Variants in PDS5B observed in about 807,000 individuals in gnomAD.
PDS5B encodes the protein sister chromatid cohesion protein PDS5 homolog B.
PDS5B carries 51 observed loss-of-function variants against 184.1 expected under a neutral mutation model. That is an observed-to-expected ratio of 0.28 (90% CI 0.22 to 0.35). The LOEUF (loss-of-function observed/expected upper bound fraction) is 0.35. PDS5B is among the 10% of genes least tolerant of loss of function. The probability of loss-of-function intolerance (pLI) is 1.00; values close to 1 mark genes in which losing one functional copy is unlikely to be tolerated. For missense variants in PDS5B, 1,180 were observed against 1,723.3 expected (o/e 0.68, Z 5.58); for synonymous variants, 566 against 569.2 (o/e 0.99, Z 0.08).
At chr13:32,769,246 A>G (rs1954694858) in intron 31 of PDS5B, among the ~76,000 whole-genome samples, 1 of 152,220 alleles carries the variant, frequency 6.6e-6, no homozygotes, top group Non-Finnish European at 1.5e-5. Context: ...CAAAGTTGAC[A>G]AAGGACACAA....
intron 1 of PDS5B, among the ~76,000 whole-genome samples, chr13:32,593,354 G>A (rs936177006): frequency 6.6e-6 from 1 of 152,186 alleles, no homozygotes; most frequent in African/African-American, 2.4e-5. Context: ...TTGATTGAAA[G>A]CCTTACTGAT....
At chr13:32,739,017 T>G (rs1278795597) in intron 21 of PDS5B, among the ~76,000 whole-genome samples, 1 of 152,198 alleles carries the variant, frequency 6.6e-6, no homozygotes, top group Non-Finnish European at 1.5e-5. Context: ...TTTATCATTA[T>G]TCTTTGGTAG....
At chr13:32,640,918 G>A (rs1371180638) in intron 1 of PDS5B, among the ~76,000 whole-genome samples, 3 of 151,964 alleles carry the variant, frequency 2.0e-5, no homozygotes, top group Middle Eastern at 3.4e-3. Flanking sequence ...TTAGCCAGGC[G>A]TGGTGGCGAG....
chr13:32,660,192 C>T (rs1950606936), intron 6 of PDS5B, among the ~76,000 whole-genome samples: 1 of 152,198 alleles, frequency 6.6e-6, no homozygotes, highest in South Asian at 2.1e-4. Context: ...CCAGCCCAGC[C>T]TCACTTCTGC....
chr13:32,638,094 G>C (rs1001137437), intron 1 of PDS5B, among the ~76,000 whole-genome samples: 11 of 152,114 alleles, frequency 7.2e-5, no homozygotes, highest in Admixed American at 7.2e-4. Flanking sequence ...ACCATGGCTG[G>C]GACAATGTGC....
intron 31 of PDS5B, among the ~76,000 whole-genome samples, chr13:32,769,372 C>G (rs940653352): frequency 6.6e-6 from 1 of 152,088 alleles, no homozygotes; most frequent in African/African-American, 2.4e-5. Flanking sequence ...ATATAAATTG[C>G]GCAGACTTTT....
At chr13:32,676,667 C>T (rs763388855) in intron 9 of PDS5B, among the ~76,000 whole-genome samples, 20 of 152,126 alleles carry the variant, frequency 1.3e-4, no homozygotes, top group Non-Finnish European at 2.6e-4. Flanking sequence ...CGCGGTGGCT[C>T]ATGCCTGTAA....
intron 15 of PDS5B, among the ~76,000 whole-genome samples, chr13:32,698,442 G>T (rs1951769811): frequency 6.6e-6 from 1 of 152,074 alleles, no homozygotes; most frequent in South Asian, 2.1e-4. Context: ...TTGCCCTCAG[G>T]TGCTTATTAT....
At chr13:32,766,328 A>G (rs577347005) in intron 31 of PDS5B, among the ~76,000 whole-genome samples, 1 of 152,256 alleles carries the variant, frequency 6.6e-6, no homozygotes, top group East Asian at 1.9e-4. Context: ...ATCTGCTTTT[A>G]CCTTTTGGGA....
Position 32,742,771 on chromosome 13 carries a change from T to C in PDS5B, c.2612+44T>C, listed in dbSNP as rs755657472. ...ACAGTTCTTTGGATTGCATAATATT[T>C]CAGCTCTTGGTGTAACTGTTCAATG... On this transcript the variant is annotated intron_variant, in intron 23 of 34. Transcript: ENST00000315596. The C allele has an allele frequency of 1.9e-6, 3 of 1,566,058 alleles. No homozygotes were observed. The African/African-American group carries it at 4.1e-5, about 21-fold the overall frequency.
intron 6 of PDS5B, among the ~76,000 whole-genome samples, chr13:32,664,864 GAAA>G (rs1329650336): frequency 4.8e-5 from 7 of 145,686 alleles, no homozygotes; most frequent in Admixed American, 6.8e-5. Flanking sequence ...AAGGGAAAAA[GAAA>G]AAAAAAAGAA....
At chr13:32,767,423 G>A (rs907475789) in intron 31 of PDS5B, among the ~76,000 whole-genome samples, 2 of 152,026 alleles carry the variant, frequency 1.3e-5, no homozygotes, top group African/African-American at 4.8e-5. Context: ...TGTTATTTTT[G>A]TAATCTTAGA....
chr13:32,619,245 C>T (rs545011005), intron 1 of PDS5B, among the ~76,000 whole-genome samples: 2 of 152,286 alleles, frequency 1.3e-5, no homozygotes, highest in South Asian at 4.1e-4. Context: ...TTACATGTCA[C>T]TTAACAACAG....
At chr13:32,680,744 T>C (rs1412157027) in intron 10 of PDS5B, among the ~76,000 whole-genome samples, 1 of 152,232 alleles carries the variant, frequency 6.6e-6, no homozygotes, top group Non-Finnish European at 1.5e-5. Flanking sequence ...CTAGTTCCTA[T>C]GCCTTTTGAA....
At chr13:32,696,615 G>T (rs1951714238) in intron 14 of PDS5B, among the ~76,000 whole-genome samples, 1 of 151,780 alleles carries the variant, frequency 6.6e-6, no homozygotes, top group Non-Finnish European at 1.5e-5. Flanking sequence ...TCTGATTTCT[G>T]TTTGGAGGCT....
intron 6 of PDS5B, among the ~76,000 whole-genome samples, chr13:32,667,258 A>G (rs1950823084): frequency 6.6e-6 from 1 of 151,930 alleles, no homozygotes; most frequent in Non-Finnish European, 1.5e-5. Flanking sequence ...TATTTGTTGT[A>G]TTTCCTGTTG....
intron 31 of PDS5B, among the ~76,000 whole-genome samples, chr13:32,769,681 T>A (rs1457042044): frequency 6.6e-6 from 1 of 152,216 alleles, no homozygotes; most frequent in Non-Finnish European, 1.5e-5. Flanking sequence ...TTTTATGATG[T>A]TGTAAGCATG....
chr13:32,749,248 A>G (rs1222104236), intron 24 of PDS5B, among the ~76,000 whole-genome samples: 3 of 151,908 alleles, frequency 2.0e-5, no homozygotes, highest in Non-Finnish European at 4.4e-5. Context: ...TCCCATTTCC[A>G]CACATCCAAC....
chr13:32,760,243 CTG>C (rs1954334772), intron 29 of PDS5B, among the ~76,000 whole-genome samples: 2 of 152,232 alleles, frequency 1.3e-5, no homozygotes, highest in Admixed American at 1.3e-4. Flanking sequence ...GCGTGAGCCA[CTG>C]CACCCGGCCA....
Sources: allele counts gnomAD v4.1 joint callset (sites outside exome capture counted in the v4.1 genomes callset), GRCh38; gene constraint gnomAD v4.1.1; transcripts MANE v1.5; gene names NCBI Gene and HGNC (gene_info 2026-07-23, HGNC 2026-07-21).